Variants in PSMB7 observed in about 807,000 individuals in gnomAD.
PSMB7 encodes the protein proteasome subunit beta type-7.
Under a neutral mutation model 28.1 loss-of-function variants are expected in PSMB7, and 5 were observed. The ratio of observed to expected loss-of-function variants is 0.18; its 90% confidence interval spans 0.09 to 0.37. The LOEUF (loss-of-function observed/expected upper bound fraction) is 0.37. Among genes scored for constraint, PSMB7 ranks in the 10% least tolerant of loss-of-function variants. The probability of loss-of-function intolerance (pLI) is 1.00; values close to 1 mark genes in which losing one functional copy is unlikely to be tolerated. For synonymous variants in PSMB7, 122 were observed against 123.7 expected (o/e 0.99, Z 0.09); for missense variants, 275 against 346.2 (o/e 0.79, Z 1.63).
intron 6 of PSMB7, among the ~76,000 whole-genome samples, chr9:124,360,419 G>A (rs1018782546): frequency 6.6e-6 from 1 of 152,244 alleles, no homozygotes; most frequent in Non-Finnish European, 1.5e-5. Flanking sequence ...CTACAGAGGG[G>A]CCTTGATAAG....
intron 6 of PSMB7, among the ~76,000 whole-genome samples, chr9:124,381,461 C>T (rs191322972): frequency 2.3e-3 from 343 of 152,276 alleles, no homozygotes; most frequent in Non-Finnish European, 3.8e-3. Context: ...GCAACCCATT[C>T]GAGGTGTGAA....
intron 6 of PSMB7, among the ~76,000 whole-genome samples, chr9:124,376,002 T>C (rs1564678695): frequency 2.6e-5 from 4 of 152,168 alleles, no homozygotes; most frequent in Admixed American, 2.6e-4. Context: ...ACAGAATTCA[T>C]ATGCCGCTTG....
intron 5 of PSMB7, chr9:124,398,562 T>C (rs1830865055): frequency 9.6e-6 from 2 of 207,782 alleles, no homozygotes; most frequent in Admixed American, 1.3e-4. Flanking sequence ...TAGTTTAATT[T>C]CCTTTGCTGC....
At chr9:124,369,294 C>T (rs1055540878) in intron 6 of PSMB7, among the ~76,000 whole-genome samples, 1 of 152,158 alleles carries the variant, frequency 6.6e-6, no homozygotes, top group Non-Finnish European at 1.5e-5. Context: ...CCACAAGTAA[C>T]ATTATCTGTT....
intron 6 of PSMB7, among the ~76,000 whole-genome samples, chr9:124,373,943 T>C (rs1173767019): frequency 6.6e-6 from 1 of 152,318 alleles, no homozygotes; most frequent in East Asian, 1.9e-4. Context: ...CAAAAACTTG[T>C]ACACCAATGC....
At chr9:124,374,385 T>C (rs1338301509) in intron 6 of PSMB7, among the ~76,000 whole-genome samples, 2 of 152,234 alleles carry the variant, frequency 1.3e-5, no homozygotes, top group South Asian at 2.1e-4. Context: ...GTGAACTGCA[T>C]AGGTGTGAAT....
chr9:124,395,528 T>C (rs1216698347), intron 5 of PSMB7, among the ~76,000 whole-genome samples: 1 of 152,086 alleles, frequency 6.6e-6, no homozygotes, highest in Non-Finnish European at 1.5e-5. Flanking sequence ...TATTATTTTT[T>C]AAAAAGATCT....
intron 7 of PSMB7, 22 bp from the exon 8 acceptor site, chr9:124,353,731 C>T: frequency 3.2e-6 from 5 of 1,556,704 alleles, no homozygotes; most frequent in Non-Finnish European, 3.5e-6. Flanking sequence ...AAAACAAAAG[C>T]ACAGAGTTAG....
At chr9:124,408,350 C>A (rs981496969) in intron 4 of PSMB7, among the ~76,000 whole-genome samples, 2 of 152,154 alleles carry the variant, frequency 1.3e-5, no homozygotes, top group African/African-American at 4.8e-5. Flanking sequence ...GGAATTAAAT[C>A]ACATGAGTAC....
chr9:124,353,819 A>G (rs1830363244), intron 7 of PSMB7, 110 bp from the exon 8 acceptor site: 11 of 802,826 alleles, frequency 1.4e-5, no homozygotes, highest in Non-Finnish European at 2.1e-5. Flanking sequence ...GCTGGACTGG[A>G]ATCTTGGCTC....
chr9:124,358,873 G>C (rs948806274), intron 6 of PSMB7, among the ~76,000 whole-genome samples: 1 of 152,196 alleles, frequency 6.6e-6, no homozygotes, highest in Non-Finnish European at 1.5e-5. Context: ...CAGCGCTTAG[G>C]ACTGCACATT....
chr9:124,414,694 CAA>C (rs1831067440), intron 2 of PSMB7, 146 bp downstream of exon 2: 4 of 672,524 alleles, frequency 5.9e-6, no homozygotes, highest in Admixed American at 2.3e-5. Flanking sequence ...CAAAACCTGA[CAA>C]AAGCAGTCGC....
chr9:124,398,436 C>A, intron 5 of PSMB7: 1 of 338,646 alleles, frequency 3.0e-6, no homozygotes, highest in South Asian at 2.4e-5. Flanking sequence ...AAACCGTGAT[C>A]TTACATTCTC....
intron 5 of PSMB7, among the ~76,000 whole-genome samples, chr9:124,386,372 CTG>C (rs998437476): frequency 6.6e-5 from 10 of 152,204 alleles, no homozygotes; most frequent in African/African-American, 2.4e-4. Context: ...CATATTTACT[CTG>C]AGATTCAGGG....
In PSMB7 at chr9:124,358,832, C is replaced by A. The variant is rs552417405; in HGVS notation, c.571-1917G>T. Among the ~76,000 whole-genome samples, 11 of 152,376 alleles carry A rather than the reference C, an allele frequency of 7.2e-5. No homozygotes were observed. The East Asian group carries it at 1.7e-3, about 24-fold the overall frequency. On this transcript the variant is annotated intron_variant, in intron 6 of 7. Coordinates refer to ENST00000259457, the MANE Select transcript of PSMB7 (RefSeq NM_002799.4). ...GCTGCTGGTGTCTAGAGCCAGCCAG[C>A]AGTACCTGGCAGACATCGCGACCCT...
intron 5 of PSMB7, among the ~76,000 whole-genome samples, chr9:124,398,880 T>C (rs992409678): frequency 6.6e-6 from 1 of 151,966 alleles, no homozygotes. Flanking sequence ...TTCTCGTCAG[T>C]AAAATAGCAA....
At chr9:124,364,827 G>C (rs1011964091) in intron 6 of PSMB7, among the ~76,000 whole-genome samples, 5 of 152,204 alleles carry the variant, frequency 3.3e-5, no homozygotes, top group African/African-American at 1.2e-4. Flanking sequence ...ATCCAGTCCT[G>C]TCAGAAGCAG....
At chr9:124,398,525 A>G in intron 5 of PSMB7, 1 of 312,592 alleles carries the variant, frequency 3.2e-6, no homozygotes, top group South Asian at 2.9e-5. Context: ...TGGGTAGTAA[A>G]ATTGTGGAGA....
intron 6 of PSMB7, among the ~76,000 whole-genome samples, chr9:124,374,496 T>C (rs971249777): frequency 2.0e-5 from 3 of 152,214 alleles, no homozygotes; most frequent in East Asian, 1.9e-4. Context: ...TAGTTACAAG[T>C]CAATCAATAA....
Sources: allele counts gnomAD v4.1 joint callset (sites outside exome capture counted in the v4.1 genomes callset), GRCh38; gene constraint gnomAD v4.1.1; transcripts MANE v1.5; gene names NCBI Gene and HGNC (gene_info 2026-07-23, HGNC 2026-07-21).